The following TPX2 variants were observed in gnomAD, a reference collection of about 807,000 sequenced individuals.
TPX2 encodes TPX2 microtubule nucleation factor.
Under a neutral mutation model 93.6 loss-of-function variants are expected in TPX2, and 21 were observed. The ratio of observed to expected loss-of-function variants is 0.22; its 90% CI spans 0.16 to 0.32. The LOEUF is 0.32. TPX2 is among the 10% of genes least tolerant of loss of function. The probability of loss-of-function intolerance (pLI) is 1.00; values close to 1 mark genes in which losing one functional copy is unlikely to be tolerated. For missense variants in TPX2, 776 were observed against 871.1 expected, an observed-to-expected ratio of 0.89 and a Z score of 1.37; for synonymous variants, 281 against 298.3, an observed-to-expected ratio of 0.94 and a Z score of 0.60.
At chr20:31,800,019 G>C (rs1462999146) in intron 17 of TPX2, among the ~76,000 whole-genome samples, 1 of 152,132 alleles carries the variant, frequency 6.6e-6, no homozygotes, top group Non-Finnish European at 1.5e-5. Context: ...GGCCAAGGTG[G>C]GAGGATTGCG....
chr20:31,781,984 C>T (rs1315013801), intron 10 of TPX2, among the ~76,000 whole-genome samples: 1 of 152,066 alleles, frequency 6.6e-6, no homozygotes, highest in African/African-American at 2.4e-5. Flanking sequence ...GATAAGGAAC[C>T]TGTCAGACAT....
chr20:31,766,850 G>C (rs985797910), intron 5 of TPX2, among the ~76,000 whole-genome samples, 168 bp downstream of exon 5: 26 of 146,964 alleles, frequency 1.8e-4, no homozygotes, highest in Admixed American at 3.4e-4. Context: ...GCCCAGGCTG[G>C]AGTGAAGTGG....
At chr20:31,768,188 C>A (rs1307931495) in intron 5 of TPX2, among the ~76,000 whole-genome samples, 1 of 151,658 alleles carries the variant, frequency 6.6e-6, no homozygotes, top group Non-Finnish European at 1.5e-5. Flanking sequence ...CCCACCTATG[C>A]CTCCTAGAGT....
intron 10 of TPX2, among the ~76,000 whole-genome samples, chr20:31,781,967 G>A (rs558016308): frequency 7.9e-5 from 12 of 152,076 alleles, no homozygotes; most frequent in African/African-American, 1.7e-4. Flanking sequence ...GTCTAGGCCC[G>A]TGCAGTGATA....
At chr20:31,747,223 C>G (rs1004169937) in intron 2 of TPX2, among the ~76,000 whole-genome samples, 1 of 152,124 alleles carries the variant, frequency 6.6e-6, no homozygotes, top group Non-Finnish European at 1.5e-5. Context: ...TGGGTTCAAG[C>G]TATTTTCCTG....
chr20:31,783,835 G>C lies in TPX2; in HGVS notation c.1327G>C (p.Glu443Gln), dbSNP rs1438898910. The stretch of plus-strand genomic sequence containing the variant: ...TTTGGAAATTGAGAAAAGAATCCAG[G>C]AGCGAGAATCAAAGAAGAAAACAGA... ...FDLEIEKRIQ[E>Q]RESKKKTEDE... The change falls in exon 12 of 18, where the codon GAG becomes CAG. Residue 443 changes from glutamate (E) to glutamine (Q), a missense_variant. Glu to Gln is a conservative substitution (Grantham distance 29). Transcript: ENST00000300403. 6.2e-7 allele frequency: 1 copy of C among 1,610,332 alleles called. No homozygotes were observed. The highest frequency in any genetic ancestry group is 1.3e-5 in the African/African-American group (1 of 74,574).
At chr20:31,797,536 A>G in intron 16 of TPX2, 21 bp downstream of exon 16, 1 of 1,606,094 alleles carries the variant, frequency 6.2e-7, no homozygotes, top group Non-Finnish European at 8.5e-7. Context: ...ATGTACTCTG[A>G]TGGGACTCGG....
At chr20:31,776,009 G>A in intron 8 of TPX2, 21 bp downstream of exon 8, 1 of 1,345,122 alleles carries the variant, frequency 7.4e-7, no homozygotes, top group Non-Finnish European at 9.7e-7. Context: ...CTGTGGTTGA[G>A]TCTGATTCAT....
intron 6 of TPX2, among the ~76,000 whole-genome samples, chr20:31,770,962 T>G (rs1236225109): frequency 1.3e-5 from 2 of 152,006 alleles, no homozygotes; most frequent in South Asian, 4.2e-4. Flanking sequence ...AGATTTTTTC[T>G]TTTGCTTGTT....
Position 31,766,457 on chromosome 20 carries a change from G to GTGTGTA in TPX2, c.230-94_230-93insATGTGT, listed in dbSNP as rs1555880878. 1.1e-4 allele frequency: 66 copies of GTGTGTA among 598,630 alleles called. No homozygotes were observed. The African/African-American group carries it at 1.3e-3, about 11-fold the overall frequency. 37.1% of individuals were successfully genotyped at this position (598,630 alleles called of 1,614,324 possible). On this transcript the variant is annotated intron_variant, in intron 4 of 17. Coordinates refer to ENST00000300403, the MANE Select transcript of TPX2 (RefSeq NM_012112.5). ...AAGGTTTCTGTGGCTTAGACAGGGT[G>GTGTGTA]TGTGTGTGTGTGTGTGTGTGTGTGT...
chr20:31,772,114 G>A (rs2061967959), intron 7 of TPX2, among the ~76,000 whole-genome samples: 1 of 148,332 alleles, frequency 6.7e-6, no homozygotes, highest in African/African-American at 2.5e-5. Flanking sequence ...TCTGCCTCCC[G>A]AGTTCAAACA....
chr20:31,784,932 C>G (rs1219313625), intron 12 of TPX2, among the ~76,000 whole-genome samples: 2 of 152,186 alleles, frequency 1.3e-5, no homozygotes, highest in Non-Finnish European at 2.9e-5. Context: ...CGGGATAACT[C>G]TAGAAGCACT....
chr20:31,770,898 CTTT>C (rs35680390), intron 6 of TPX2, among the ~76,000 whole-genome samples: 3 of 120,270 alleles, frequency 2.5e-5, no homozygotes, highest in Admixed American at 8.4e-5. Context: ...TGATTTTTAG[CTTT>C]TTTTTTTTTT....
intron 2 of TPX2, among the ~76,000 whole-genome samples, chr20:31,744,318 A>G (rs1185985853): frequency 1.3e-5 from 2 of 151,370 alleles, no homozygotes; most frequent in African/African-American, 2.4e-5. Flanking sequence ...ACCCGCAACC[A>G]CACCCGGCTA....
Position 31,770,398 on chromosome 20 carries a change from G to C in TPX2, c.412G>C (p.Val138Leu), listed in dbSNP as rs1457339499. Residue 138 changes from valine to leucine, a missense_variant, in exon 6 of 18, where the codon GTA (valine) becomes CTA (leucine). Physicochemically the swap from Val to Leu is conservative, Grantham distance 32. Around this residue, in one of 3 missense-constraint regions of TPX2, gnomAD observed 279 missense variants for 261.6 expected, o/e 1.07. Coordinates refer to ENST00000300403, the MANE Select transcript of TPX2 (RefSeq NM_012112.5). ...KDLEQKEKHH[V>L]KMKAKRCATP... ...TTTGGAACAGAAAGAAAAGCATCAT[G>C]TAAAAATGAAAGCCAAGAGATGTGC... 2 of 1,606,158 alleles carry C rather than the reference G, an allele frequency of 1.2e-6. No individual in the cohort carries two copies. Among genetic ancestry groups the C allele is most frequent in the Non-Finnish European group, 1.7e-6 (2 of 1,175,814 alleles).
chr20:31,772,283 A>C (rs1238708975), intron 7 of TPX2, among the ~76,000 whole-genome samples: 1 of 152,146 alleles, frequency 6.6e-6, no homozygotes, highest in Non-Finnish European at 1.5e-5. Context: ...GGCCTCCCAC[A>C]GTGCTGGGAT....
chr20:31,782,154 G>A (rs1360667814), intron 10 of TPX2, 95 bp from the exon 11 acceptor site: 4 of 1,469,168 alleles, frequency 2.7e-6, no homozygotes, highest in Admixed American at 2.3e-5. Context: ...CTCTGTGGTT[G>A]GTTTATCCCT....
At chr20:31,751,580 A>G (rs1053976241) in intron 2 of TPX2, among the ~76,000 whole-genome samples, 1 of 152,190 alleles carries the variant, frequency 6.6e-6, no homozygotes, top group Non-Finnish European at 1.5e-5. Flanking sequence ...CACTTGAAGT[A>G]GCTTCTTATT....
intron 2 of TPX2, among the ~76,000 whole-genome samples, chr20:31,753,344 T>G (rs1477039133): frequency 2.6e-5 from 4 of 152,202 alleles, no homozygotes; most frequent in Non-Finnish European, 5.9e-5. Flanking sequence ...TTTCTGATCT[T>G]CAGCTTCTAG....
Sources: gnomAD v4.1 joint callset for allele counts (sites outside exome capture counted in the v4.1 genomes callset) on GRCh38, gnomAD v4.1.1 for gene constraint, gnomAD v4.1.1 regional missense constraint, MANE v1.5 for transcripts, NCBI Gene and HGNC (gene_info 2026-07-23, HGNC 2026-07-21) for gene names.